The following VAV1 variants were observed in gnomAD, a reference collection of about 807,000 sequenced individuals.
VAV1 encodes the protein vav guanine nucleotide exchange factor 1.
In VAV1, 33 loss-of-function variants were observed where a neutral mutation model predicts 128.1. The observed-to-expected ratio is 0.26, with a 90% CI of 0.20 to 0.34. The LOEUF (loss-of-function observed/expected upper bound fraction) is 0.34. VAV1 is among the 10% of genes least tolerant of loss of function. The pLI, the probability that VAV1 is intolerant of heterozygous loss-of-function variation, is 1.00. For missense variants in VAV1, 715 were observed against 1,093.7 expected, an observed-to-expected ratio of 0.65 and a Z score of 4.88; for synonymous variants, 394 against 409.8, an observed-to-expected ratio of 0.96 and a Z score of 0.47.
At chr19:6,835,278 T>G (rs969911651) in intron 19 of VAV1, among the ~76,000 whole-genome samples, 2 of 151,656 alleles carry the variant, frequency 1.3e-5, no homozygotes, top group Non-Finnish European at 1.5e-5. Flanking sequence ...AATACATACT[T>G]TAAGGTATGT....
intron 1 of VAV1, among the ~76,000 whole-genome samples, chr19:6,795,676 C>CTTGT (rs540873430): frequency 3.6e-4 from 54 of 151,764 alleles, no homozygotes; most frequent in East Asian, 2.1e-3. Context: ...ACTCTTTTTG[C>CTTGT]TTGTTTGTTT....
intron 1 of VAV1, among the ~76,000 whole-genome samples, chr19:6,793,889 A>G (rs1306687852): frequency 6.6e-6 from 1 of 152,138 alleles, no homozygotes; most frequent in East Asian, 1.9e-4. Context: ...TGAGGTAATA[A>G]TTGTAAAGTC....
chr19:6,830,068 T>C (rs1405299693), intron 14 of VAV1, 150 bp downstream of exon 14: 11 of 1,353,100 alleles, frequency 8.1e-6, no homozygotes, highest in Non-Finnish European at 1.1e-5. Flanking sequence ...TTTGTTTTGT[T>C]CTGTTTTTTA....
In VAV1 at chr19:6,822,407, C is replaced by T; in HGVS notation, c.559-12C>T. On this transcript the variant is annotated splice_polypyrimidine_tract_variant and intron_variant, in intron 5 of 26. Coordinates refer to ENST00000602142, the MANE Select transcript of VAV1 (RefSeq NM_005428.4). This position sits in a 1 kb window ranked among gnomAD's most constrained non-coding sequence, Gnocchi z 5.9. ...CAGGCCCCCCAACACCGGCCTCTCCCCTCGCTCTCAGCCCAAGATGACAGA... is the reference window on the plus strand; with the variant it reads ...CAGGCCCCCCAACACCGGCCTCTCCTCTCGCTCTCAGCCCAAGATGACAGA... 1.3e-6 allele frequency: 2 copies of T among 1,556,440 alleles called. No homozygotes were observed. The highest frequency in any genetic ancestry group is 1.7e-6 in the Non-Finnish European group (2 of 1,151,712).
At chr19:6,824,558 G>C (rs943876116) in intron 6 of VAV1, among the ~76,000 whole-genome samples, 1 of 151,198 alleles carries the variant, frequency 6.6e-6, no homozygotes. Flanking sequence ...TTGAGATAGA[G>C]TCTCACTCTG....
chr19:6,827,788 C>T (rs895368797), intron 9 of VAV1, among the ~76,000 whole-genome samples: 2 of 148,568 alleles, frequency 1.3e-5, no homozygotes, highest in Non-Finnish European at 1.5e-5. Flanking sequence ...ATAGCAGAGA[C>T]GGGGTTTCCC....
chr19:6,823,918 G>T (rs12460057), intron 6 of VAV1, among the ~76,000 whole-genome samples: 4,650 of 150,988 alleles, frequency 0.031, 204 homozygotes, highest in East Asian at 0.16. Flanking sequence ...TTTTGTTTTG[G>T]TTTTTTTTGT....
intron 1 of VAV1, among the ~76,000 whole-genome samples, chr19:6,792,075 G>A (rs963970729): frequency 1.3e-5 from 2 of 152,174 alleles, no homozygotes; most frequent in Non-Finnish European, 2.9e-5. Flanking sequence ...TCCCTGACCA[G>A]GTGTGGTGGC....
At chr19:6,800,575 G>A (rs1462090632) in intron 1 of VAV1, among the ~76,000 whole-genome samples, 1 of 151,934 alleles carries the variant, frequency 6.6e-6, no homozygotes, top group African/African-American at 2.4e-5. Flanking sequence ...GTCCCAAAGT[G>A]CTGGGATTAC....
intron 21 of VAV1, among the ~76,000 whole-genome samples, chr19:6,837,309 A>G (rs1219765326): frequency 6.6e-6 from 1 of 152,112 alleles, no homozygotes; most frequent in Non-Finnish European, 1.5e-5. Context: ...GGTAGGGAGG[A>G]AGGAGCAGGG....
chr19:6,785,860 A>G (rs1211521335), intron 1 of VAV1, among the ~76,000 whole-genome samples: 2 of 151,332 alleles, frequency 1.3e-5, no homozygotes, highest in Non-Finnish European at 2.9e-5. Flanking sequence ...GGGTTTCACC[A>G]TGTTGGCCAG....
At chr19:6,850,192 T>A (rs1269191414) in intron 23 of VAV1, among the ~76,000 whole-genome samples, 3 of 148,662 alleles carry the variant, frequency 2.0e-5, no homozygotes, top group Non-Finnish European at 4.4e-5. Context: ...AGTGTTTTTT[T>A]AAATAGGAAG....
In VAV1 at chr19:6,800,025, C is replaced by T. The variant is rs1026393784; in HGVS notation, c.205-20677C>T. On this transcript the variant is annotated intron_variant, in intron 1 of 26. Transcript: ENST00000602142. ...TTAAGAAAACTTACCAGGCCAGTCA[C>T]GGCGGCTCATGCCTGTCATTCCAGC... Among the ~76,000 whole-genome samples the T allele has an allele frequency of 4.0e-5, 6 of 151,876 alleles. No homozygotes were observed. The East Asian group carries it at 5.8e-4, about 15-fold the overall frequency.
In VAV1 at chr19:6,828,046, C is replaced by T; in HGVS notation, c.928-30C>T. 6.2e-7 allele frequency: 1 copy of T among 1,607,144 alleles called. No homozygotes were observed. Among genetic ancestry groups the T allele is most frequent in the Non-Finnish European group, 8.5e-7 (1 of 1,173,792 alleles). On this transcript the variant is annotated intron_variant, in intron 9 of 26. Transcript: ENST00000602142. This position sits in a 1 kb window ranked among gnomAD's most constrained non-coding sequence, Gnocchi z 4.5. ...AACTGGCTGTTTCTGGGACCTGCCT[C>T]AGTTTCCCCATTGTTCTCTGATTCC...
intron 22 of VAV1, 138 bp from the exon 23 acceptor site, chr19:6,847,860 G>A (rs891295141): frequency 5.8e-6 from 4 of 694,968 alleles, no homozygotes; most frequent in Non-Finnish European, 8.7e-6. Context: ...CTACCTTGGT[G>A]CTGAAGGGCT....
At chr19:6,806,784 T>C (rs1971406470) in intron 1 of VAV1, among the ~76,000 whole-genome samples, 1 of 152,220 alleles carries the variant, frequency 6.6e-6, no homozygotes, top group African/African-American at 2.4e-5. Flanking sequence ...TCTCAGCCCA[T>C]GTTGCTAGAA....
At chr19:6,781,916 A>G (rs374937369) in intron 1 of VAV1, among the ~76,000 whole-genome samples, 7 of 152,218 alleles carry the variant, frequency 4.6e-5, no homozygotes, top group Admixed American at 2.0e-4. Flanking sequence ...GGAGCTCTTT[A>G]TATATAGGTT....
chr19:6,825,974 C>A (rs539689053), intron 8 of VAV1, among the ~76,000 whole-genome samples: 1 of 151,372 alleles, frequency 6.6e-6, no homozygotes, highest in Admixed American at 6.6e-5. Flanking sequence ...ACCCGGGAGG[C>A]GGAGGTTGCA....
In VAV1 at chr19:6,803,949, T is replaced by C. The variant is rs184228473; in HGVS notation, c.205-16753T>C. 3.5e-4 allele frequency among the ~76,000 whole-genome samples: 53 copies of C among 152,134 alleles called. No homozygotes were observed. The East Asian group carries it at 8.5e-3, about 24-fold the overall frequency. ...GAGACACGCAGGAACCCCAAATGCA[T>C]ATTACTAAGTGAAAGAAGCCAGTCC... On this transcript the variant is annotated intron_variant, in intron 1 of 26. Transcript: ENST00000602142.
Sources: gnomAD v4.1 joint callset for allele counts (sites outside exome capture counted in the v4.1 genomes callset) on GRCh38, gnomAD v4.1.1 for gene constraint, Gnocchi (gnomAD v3.1) non-coding constraint, MANE v1.5 for transcripts, NCBI Gene and HGNC (gene_info 2026-07-23, HGNC 2026-07-21) for gene names.